Variants in JAM2 observed in about 807,000 individuals in gnomAD.
JAM2 encodes junctional adhesion molecule B.
In JAM2, 17 loss-of-function variants were observed where a neutral mutation model predicts 42.0. The ratio of observed to expected loss-of-function variants is 0.40; its 90% CI spans 0.28 to 0.61. The LOEUF (loss-of-function observed/expected upper bound fraction) is 0.61. Ranked by LOEUF, JAM2 falls within the 20% of genes least tolerant of loss-of-function variation. The pLI is 0.37. For synonymous variants in JAM2, 118 were observed against 128.6 expected (o/e 0.92, Z 0.56); for missense variants, 319 against 358.3 (o/e 0.89, Z 0.89).
At chr21:25,666,593 G>C (rs377459011) in intron 1 of JAM2, among the ~76,000 whole-genome samples, 2 of 152,272 alleles carry the variant, frequency 1.3e-5, no homozygotes, top group East Asian at 3.9e-4. Context: ...CTGGAATGCA[G>C]TGGCGAGATC....
intron 3 of JAM2, 85 bp downstream of exon 3, chr21:25,690,058 A>G: frequency 1.2e-6 from 1 of 808,242 alleles, no homozygotes; most frequent in Non-Finnish European, 2.1e-6. Context: ...GAGATCGGAC[A>G]TGACTGATTA....
Position 25,711,930 on chromosome 21 carries a change from C to T in JAM2, c.822-410C>T, listed in dbSNP as rs185913700. On this transcript the variant is annotated intron_variant, in intron 8 of 9. Transcript: ENST00000480456. ...GTGGCCTTCAAAATATGTTCAATAA[C>T]GAAATGGATGACTGGAACACTAGTC... 1.2e-4 allele frequency: 25 copies of T among 211,282 alleles called. No individual in the cohort carries two copies. The East Asian group carries it at 2.7e-3, about 23-fold the overall frequency. 13.1% of individuals were successfully genotyped at this position (211,282 alleles called of 1,614,324 possible).
intron 2 of JAM2, among the ~76,000 whole-genome samples, chr21:25,687,004 T>G (rs1371716632): frequency 6.6e-6 from 1 of 152,230 alleles, no homozygotes; most frequent in Non-Finnish European, 1.5e-5. Context: ...TATTTTCCTG[T>G]TTTTAATATG....
At chr21:25,675,698 C>T (rs2033472697) in intron 1 of JAM2, among the ~76,000 whole-genome samples, 1 of 151,988 alleles carries the variant, frequency 6.6e-6, no homozygotes, top group Non-Finnish European at 1.5e-5. Flanking sequence ...AGAGCTCGCT[C>T]ACTATCATGA....
At chr21:25,701,562 CT>C (rs2034166185) in intron 5 of JAM2, among the ~76,000 whole-genome samples, 1 of 152,052 alleles carries the variant, frequency 6.6e-6, no homozygotes, top group African/African-American at 2.4e-5. Flanking sequence ...TCAATCTTAG[CT>C]TTTGGTTGCT....
At chr21:25,704,086 C>A (rs1460298441) in intron 6 of JAM2, among the ~76,000 whole-genome samples, 1 of 151,394 alleles carries the variant, frequency 6.6e-6, no homozygotes, top group Non-Finnish European at 1.5e-5. Context: ...CAGATAATAG[C>A]CCTTACTTTG....
rs2033694691 is a variant in JAM2 at position 25,683,961 on chromosome 21, A to G, written c.133+13A>G. 6.5e-7 allele frequency: 1 copy of G among 1,532,320 alleles called. No homozygotes were observed. The highest frequency in any genetic ancestry group is 1.4e-5 in the African/African-American group (1 of 72,794). The allele number at this position is 1,532,320 out of a possible 1,614,324, so 94.9% of individuals were successfully genotyped here. On this transcript the variant is annotated intron_variant, in intron 2 of 9. Coordinates refer to ENST00000480456, the MANE Select transcript of JAM2 (RefSeq NM_021219.4). ...GTAGAGTACCAAGGTACAGTATCTT[A>G]CTGATTTTCACAGGCTGTATTGTTT... is the stretch of plus-strand genomic sequence containing the variant.
chr21:25,655,796 G>A (rs1030334979), intron 1 of JAM2, among the ~76,000 whole-genome samples: 4 of 150,914 alleles, frequency 2.7e-5, no homozygotes, highest in South Asian at 2.1e-4. Flanking sequence ...GTGCCCAGTC[G>A]AAACACCAGC....
intron 1 of JAM2, among the ~76,000 whole-genome samples, chr21:25,640,453 A>T (rs1195043291): frequency 6.6e-6 from 1 of 152,198 alleles, no homozygotes. Context: ...ATCTACATTC[A>T]CTTAGAGAAG....
chr21:25,648,450 T>TGTG (rs2032675900), intron 1 of JAM2, among the ~76,000 whole-genome samples: 2 of 148,384 alleles, frequency 1.3e-5, no homozygotes, highest in African/African-American at 4.9e-5. Flanking sequence ...TGCCGTGTGT[T>TGTG]TGTGTGTGTG....
chr21:25,697,285 T>A (rs796842791), intron 4 of JAM2, among the ~76,000 whole-genome samples: 4 of 152,266 alleles, frequency 2.6e-5, no homozygotes, highest in African/African-American at 9.6e-5. Flanking sequence ...GGGGCCTTAG[T>A]TACATTTCCA....
Position 25,703,304 on chromosome 21 carries a change from A to G in JAM2, c.697+1035A>G, listed in dbSNP as rs1003720954. 2.0e-5 allele frequency among the ~76,000 whole-genome samples: 3 copies of G among 152,324 alleles called. No homozygotes were observed. The East Asian group carries it at 5.8e-4, about 29-fold the overall frequency. On this transcript the variant is annotated intron_variant, in intron 6 of 9. Transcript: ENST00000480456. ...AAGTCATGGTTTTGATGTATTAGTT[A>G]CTTTTTCTTAGCACACAATAAATAC...
chr21:25,664,639 C>T (rs1407757970), intron 1 of JAM2, among the ~76,000 whole-genome samples: 1 of 152,226 alleles, frequency 6.6e-6, no homozygotes, highest in Non-Finnish European at 1.5e-5. Flanking sequence ...TCCATGACAT[C>T]ATTCTGTCCT....
intron 1 of JAM2, among the ~76,000 whole-genome samples, chr21:25,676,748 G>GAAAAAAT (rs1367332310): frequency 3.9e-5 from 6 of 151,986 alleles, no homozygotes; most frequent in Admixed American, 6.6e-5. Context: ...GAAAAGTGAA[G>GAAAAAAT]AAAAAATAAA....
At chr21:25,713,700 T>G (rs1030540213) in intron 9 of JAM2, among the ~76,000 whole-genome samples, 1 of 152,228 alleles carries the variant, frequency 6.6e-6, no homozygotes, top group African/African-American at 2.4e-5. Flanking sequence ...ACTGAAAGCT[T>G]ACTGATGTTT....
intron 5 of JAM2, among the ~76,000 whole-genome samples, chr21:25,700,464 A>G (rs1302107895): frequency 6.6e-6 from 1 of 152,132 alleles, no homozygotes; most frequent in Non-Finnish European, 1.5e-5. Context: ...AGGTTCAAGT[A>G]ATTCTCCTGC....
chr21:25,709,027 C>G (rs1051272821), intron 7 of JAM2, among the ~76,000 whole-genome samples: 1 of 152,092 alleles, frequency 6.6e-6, no homozygotes, highest in Non-Finnish European at 1.5e-5. Context: ...CATTTACAAT[C>G]TATTTGATGA....
chr21:25,681,234 A>G (rs1426577818), intron 1 of JAM2, among the ~76,000 whole-genome samples: 4 of 152,224 alleles, frequency 2.6e-5, no homozygotes, highest in Non-Finnish European at 5.9e-5. Context: ...TAAATTGTCT[A>G]CTTGAGATGA....
intron 1 of JAM2, among the ~76,000 whole-genome samples, chr21:25,660,089 T>C (rs1315473576): frequency 1.3e-5 from 2 of 152,080 alleles, no homozygotes; most frequent in African/African-American, 4.8e-5. Context: ...CAGCTAATTT[T>C]TTTGTATTTT....
Sources: gnomAD v4.1 joint callset for allele counts (sites outside exome capture counted in the v4.1 genomes callset) on GRCh38, gnomAD v4.1.1 for gene constraint, MANE v1.5 for transcripts, NCBI Gene and HGNC (gene_info 2026-07-23, HGNC 2026-07-21) for gene names.